LAMTOR5: variants seen among roughly 807,000 people sequenced by gnomAD.
LAMTOR5 encodes ragulator complex protein LAMTOR5.
LAMTOR5 carries 8 observed loss-of-function variants against 12.1 expected under a neutral mutation model. The ratio of observed to expected loss-of-function variants is 0.66; its 90% CI spans 0.39 to 1.19. The LOEUF is 1.19. LAMTOR5 is among the 50% of genes most tolerant of loss of function. The pLI is 0.01. For synonymous variants in LAMTOR5, 37 were observed against 41.9 expected, an observed-to-expected ratio of 0.88 and a Z score of 0.45; for missense variants, 110 against 112.8, an observed-to-expected ratio of 0.97 and a Z score of 0.11.
chr1:110,407,642 C>A lies in LAMTOR5; in HGVS notation c.-22G>T. 1 of 1,614,230 alleles carries A rather than the reference C, an allele frequency of 6.2e-7. No homozygotes were observed. The highest frequency in any genetic ancestry group is 8.5e-7 in the Non-Finnish European group (1 of 1,180,036). On this transcript the variant is annotated 5_prime_UTR_variant, in exon 1 of 4. Transcript: ENST00000602318. ...CCATCCCACCCACCGACCACTCCGG[C>A]TCAGAACCCAGCGGCACGGCACGTC...
At chr1:110,407,424 C>T in intron 1 of LAMTOR5, 162 bp downstream of exon 1, 1 of 881,606 alleles carries the variant, frequency 1.1e-6, no homozygotes, top group South Asian at 1.8e-5. Flanking sequence ...ACCCGCCCCG[C>T]CCTGCGGCCT....
At chr1:110,406,210 C>T in intron 2 of LAMTOR5, 108 bp downstream of exon 2, 1 of 660,100 alleles carries the variant, frequency 1.5e-6, no homozygotes, top group South Asian at 2.5e-5. Flanking sequence ...TCAGAAAGAC[C>T]TGGCAAGGTA....
At chr1:110,405,657 G>T (rs1370936556) in intron 2 of LAMTOR5, among the ~76,000 whole-genome samples, 1 of 151,976 alleles carries the variant, frequency 6.6e-6, no homozygotes, top group African/African-American at 2.4e-5. Context: ...TACCTCACTG[G>T]GTTGTTATGA....
chr1:110,406,207 G>A, intron 2 of LAMTOR5, 111 bp downstream of exon 2: 1 of 636,900 alleles, frequency 1.6e-6, no homozygotes, highest in Non-Finnish European at 2.6e-6. Context: ...AACTCAGAAA[G>A]ACCTGGCAAG....
At chr1:110,403,500 C>G (rs1346122063) in intron 3 of LAMTOR5, 1 of 156,130 alleles carries the variant, frequency 6.4e-6, no homozygotes, top group Non-Finnish European at 1.4e-5. Context: ...GTCTCAGCTA[C>G]AACTCGGGAG....
intron 1 of LAMTOR5, chr1:110,406,667 A>T (rs1211621883): frequency 1.4e-5 from 4 of 286,424 alleles, no homozygotes; most frequent in African/African-American, 6.6e-5. Flanking sequence ...TCTACTAAAA[A>T]TACAAAATTA....
intron 3 of LAMTOR5, among the ~76,000 whole-genome samples, chr1:110,403,176 C>T (rs779384027): frequency 2.0e-5 from 3 of 152,146 alleles, no homozygotes; most frequent in African/African-American, 7.2e-5. Flanking sequence ...AGAACATATC[C>T]CCATTGTTAA....
At chr1:110,406,959 T>C in intron 1 of LAMTOR5, 1 of 633,434 alleles carries the variant, frequency 1.6e-6, no homozygotes, top group Non-Finnish European at 2.9e-6. Context: ...ACATCTAGGA[T>C]GTTTTCACTC....
rs1663362857 is a variant in LAMTOR5, at chr1:110,407,632, A to G, written c.-12T>C. The G allele has an allele frequency of 6.2e-7, 1 of 1,613,732 alleles. No individual in the cohort carries two copies. Among genetic ancestry groups the G allele is most frequent in the African/African-American group, 1.3e-5 (1 of 74,800 alleles). Reference sequence around the variant, plus strand: ...AAGGTCGCCTCCATCCCACCCACCGACCACTCCGGCTCAGAACCCAGCGGC... The same window carrying G: ...AAGGTCGCCTCCATCCCACCCACCGGCCACTCCGGCTCAGAACCCAGCGGC... On this transcript the variant is annotated 5_prime_UTR_variant, in exon 1 of 4. Coordinates refer to ENST00000602318, the MANE Select transcript of LAMTOR5 (RefSeq NM_001382293.1).
intron 2 of LAMTOR5, 80 bp from the exon 3 acceptor site, chr1:110,404,116 A>T (rs1264290701): frequency 6.4e-7 from 1 of 1,567,874 alleles, no homozygotes; most frequent in East Asian, 2.3e-5. Flanking sequence ...CTGTTTTAAA[A>T]TGTCTACAGA....
At chr1:110,403,154 G>A (rs1420570232) in intron 3 of LAMTOR5, among the ~76,000 whole-genome samples, 1 of 152,164 alleles carries the variant, frequency 6.6e-6, no homozygotes. Flanking sequence ...AAAACTGCCT[G>A]ACACATTTCT....
chr1:110,407,384 C>A (rs986330810), intron 1 of LAMTOR5: 3 of 668,386 alleles, frequency 4.5e-6, no homozygotes, highest in African/African-American at 3.6e-5. Flanking sequence ...AGGGAATGTG[C>A]GGTGCCCGGC....
chr1:110,407,692 C>G lies in LAMTOR5; in HGVS notation c.-72G>C. On this transcript the variant is annotated 5_prime_UTR_variant, in exon 1 of 4. Coordinates refer to ENST00000602318, the MANE Select transcript of LAMTOR5 (RefSeq NM_001382293.1). ...CCTTCTCCACCACAGGCCTCAGTCA[C>G]TTGACGCGAGCGGGGCGTGGACCGT... 1 of 1,614,232 alleles carries G rather than the reference C, an allele frequency of 6.2e-7. No individual in the cohort carries two copies. The highest frequency in any genetic ancestry group is 8.5e-7 in the Non-Finnish European group (1 of 1,180,034).
chr1:110,407,572 C>T lies in LAMTOR5; in HGVS notation c.35+14G>A. 6.2e-7 allele frequency: 1 copy of T among 1,611,848 alleles called. No individual in the cohort carries two copies. The highest frequency in any genetic ancestry group is 8.5e-7 in the Non-Finnish European group (1 of 1,178,350). On this transcript the variant is annotated intron_variant, in intron 1 of 3. Coordinates refer to ENST00000602318, the MANE Select transcript of LAMTOR5 (RefSeq NM_001382293.1). ...GCGACCTCAGGACAGGCCGAAGAGGCGCGCACTACTCACGTGTCTTCCAAG... is the reference window on the plus strand; with the variant it reads ...GCGACCTCAGGACAGGCCGAAGAGGTGCGCACTACTCACGTGTCTTCCAAG...
At chr1:110,407,207 C>A in intron 1 of LAMTOR5, 1 of 577,876 alleles carries the variant, frequency 1.7e-6, no homozygotes, top group South Asian at 2.3e-5. Flanking sequence ...ACAGGAGATA[C>A]GTGTTTGTTT....
In LAMTOR5 at chr1:110,403,989, C is replaced by T. The variant is rs1663277553; in HGVS notation, c.145G>A (p.Ala49Thr). 6.2e-7 allele frequency: 1 copy of T among 1,614,150 alleles called. No homozygotes were observed. ...GAGGTTAGCTTAGCTGCTTGCTGGG[C>T]TAGAACAGATATCACTCCAGCATGC... ...DEHAGVISVL[A>T]QQAAKLTSDP... Residue 49 changes from alanine to threonine, a missense_variant, in exon 3 of 4, where the codon GCC becomes ACC. Ala to Thr is a moderately conservative substitution (Grantham distance 58, BLOSUM62 0). Transcript: ENST00000602318.
chr1:110,402,252 C>A (rs1194536844), intron 3 of LAMTOR5, among the ~76,000 whole-genome samples: 2 of 152,050 alleles, frequency 1.3e-5, no homozygotes, highest in Non-Finnish European at 2.9e-5. Context: ...ATTTACTATA[C>A]TTTTTTTCTT....
In LAMTOR5 at chr1:110,406,343, T is replaced by G. The variant is rs781768203; in HGVS notation, c.72A>C (p.Thr24=). ...KNPSIVGVLC[T]DSQGLNLGCR... is the part of the protein sequence containing the mutation. ...AACCCAGATTAAGTCCTTGTGAATC[T>G]GTGCACAGGACTCCAACAATGGAGG... The change falls in exon 2 of 4, where the codon ACA becomes ACC. Residue 24 remains threonine (T), a synonymous_variant. Coordinates refer to ENST00000602318, the MANE Select transcript of LAMTOR5 (RefSeq NM_001382293.1). The G allele has an allele frequency of 6.2e-7, 1 of 1,608,952 alleles. No individual in the cohort carries two copies. The highest frequency in any genetic ancestry group is 1.1e-5 in the South Asian group (1 of 89,942).
In LAMTOR5 at chr1:110,401,555, TG is replaced by T; in HGVS notation, c.243del (p.Ile82SerfsTer33). On this transcript the variant is annotated frameshift_variant, in exon 4 of 4. Transcript: ENST00000602318. LOFTEE classifies it high-confidence loss of function. ...NGNIMIQKHD[G>X]ITVAVHKMAS ...GCCATTTTGTGCACTGCCACCGTGA[TG>T]CCATCGTGTTTCTGGATCATAATGT... 6.2e-7 allele frequency: 1 copy of T among 1,607,850 alleles called. No individual in the cohort carries two copies. Among genetic ancestry groups the T allele is most frequent in the Non-Finnish European group, 8.5e-7 (1 of 1,174,796 alleles).
Sources: allele counts gnomAD v4.1 joint callset (sites outside exome capture counted in the v4.1 genomes callset), GRCh38; gene constraint gnomAD v4.1.1; transcripts MANE v1.5; gene names NCBI Gene and HGNC (gene_info 2026-07-23, HGNC 2026-07-21).